Variants in NFIB observed in about 807,000 individuals in gnomAD.
NFIB encodes nuclear factor 1 B-type.
Under a neutral mutation model 61.5 loss-of-function variants are expected in NFIB, and 11 were observed. That is an observed-to-expected ratio of 0.18 (90% CI 0.11 to 0.30). The LOEUF is 0.30. Among genes scored for constraint, NFIB ranks in the 10% least tolerant of loss-of-function variants. The pLI is 1.00. For synonymous variants in NFIB, 260 were observed against 216.5 expected, an observed-to-expected ratio of 1.20 and a Z score of -1.76; for missense variants, 471 against 608.9, an observed-to-expected ratio of 0.77 and a Z score of 2.38.
At chr9:14,484,086 T>C in the NFIB span, among the ~76,000 whole-genome samples, 1 of 152,238 alleles carries the variant, frequency 6.6e-6, no homozygotes, top group Admixed American at 6.5e-5. Context: ...TTACCTACTT[T>C]ATTACCTAGT....
intron 3 of NFIB, among the ~76,000 whole-genome samples, chr9:14,161,365 T>A (rs2044181062): frequency 6.6e-6 from 1 of 152,084 alleles, no homozygotes. Context: ...ATTAAGTGTA[T>A]CTCTCAATAT....
At chr9:14,191,937 C>T (rs1330457709) in intron 2 of NFIB, among the ~76,000 whole-genome samples, 1 of 152,218 alleles carries the variant, frequency 6.6e-6, no homozygotes, top group African/African-American at 2.4e-5. Context: ...CAACCTCCAA[C>T]AAACACATAC....
intron 2 of NFIB, among the ~76,000 whole-genome samples, chr9:14,249,586 T>G (rs773798647): frequency 7.2e-5 from 11 of 152,104 alleles, no homozygotes; most frequent in Non-Finnish European, 1.2e-4. Flanking sequence ...TCAGTTTACG[T>G]CTATCATGAT....
chr9:14,192,549 C>G (rs1019196673), intron 2 of NFIB, among the ~76,000 whole-genome samples: 35 of 152,178 alleles, frequency 2.3e-4, no homozygotes, highest in African/African-American at 8.0e-4. Context: ...GTCCAACCAA[C>G]AGGAGGCAAT....
intron 2 of NFIB, among the ~76,000 whole-genome samples, chr9:14,250,030 G>A (rs907625004): frequency 1.3e-5 from 2 of 152,094 alleles, no homozygotes; most frequent in South Asian, 2.1e-4. Flanking sequence ...AAAACCCCTC[G>A]AGTCTCTTTC....
chr9:14,490,973 C>T, the NFIB span, among the ~76,000 whole-genome samples: 316 of 152,218 alleles, frequency 2.1e-3, 1 homozygote, highest in African/African-American at 7.4e-3. Flanking sequence ...GGAAACATCC[C>T]ATATGTTCAT....
the NFIB span, among the ~76,000 whole-genome samples, chr9:14,414,691 C>G: frequency 4.6e-5 from 7 of 151,760 alleles, no homozygotes; most frequent in Middle Eastern, 3.4e-3. Context: ...AGAATGTGCT[C>G]AGTAAATGAC....
chr9:14,136,074 C>A (rs2041010263), intron 6 of NFIB, among the ~76,000 whole-genome samples: 1 of 152,074 alleles, frequency 6.6e-6, no homozygotes, highest in South Asian at 2.1e-4. Context: ...TTAAAGCAAA[C>A]CTCTTTGAAG....
At chr9:14,406,769 T>C in the NFIB span, among the ~76,000 whole-genome samples, 1 of 152,214 alleles carries the variant, frequency 6.6e-6, no homozygotes, top group Admixed American at 6.5e-5. Context: ...ACTTGCTCTT[T>C]TCCCCTCATC....
At position 14,087,233 on chromosome 9, in the gene NFIB, G is replaced by A. The variant is rs2032995794; in HGVS notation, c.*1076C>T. ...AGGCTGCAGCTAAACCAACATAAGT[G>A]CTGTGTTTTCATTAATTTTATTTTT... On this transcript the variant is annotated 3_prime_UTR_variant, in exon 11 of 11. Coordinates refer to ENST00000380953, the MANE Select transcript of NFIB (RefSeq NM_001190737.2). The A allele has an allele frequency of 9.8e-6, 2 of 203,264 alleles. No individual in the cohort carries two copies. The highest frequency in any genetic ancestry group is 1.5e-4 in the East Asian group (2 of 13,228). The allele number at this position is 203,264 out of a possible 1,614,324, so 12.6% of individuals were successfully genotyped here. A position where few individuals can be genotyped will look rare whatever the true frequency, so the allele number is the denominator to read the frequency against.
At chr9:14,320,805 G>A (rs2060641347) in intron 1 of NFIB, among the ~76,000 whole-genome samples, 1 of 152,074 alleles carries the variant, frequency 6.6e-6, no homozygotes, top group South Asian at 2.1e-4. Context: ...TTCAAGTGTG[G>A]GATCAAAAGT....
chr9:14,419,354 C>T, the NFIB span, among the ~76,000 whole-genome samples: 7 of 150,830 alleles, frequency 4.6e-5, no homozygotes, highest in African/African-American at 1.7e-4. Flanking sequence ...TTGAAGTGAG[C>T]CTTGCAGATT....
chr9:14,439,628 C>G, the NFIB span, among the ~76,000 whole-genome samples: 1 of 152,126 alleles, frequency 6.6e-6, no homozygotes, highest in Non-Finnish European at 1.5e-5. Flanking sequence ...GGAGAGCTGG[C>G]ACATGCTGAG....
intron 2 of NFIB, among the ~76,000 whole-genome samples, chr9:14,180,032 T>C (rs1386644040): frequency 6.6e-6 from 1 of 152,222 alleles, no homozygotes; most frequent in Non-Finnish European, 1.5e-5. Flanking sequence ...CAAGGTTTTT[T>C]TGAAACAAAA....
the NFIB span, among the ~76,000 whole-genome samples, chr9:14,426,885 C>G: frequency 1.3e-5 from 2 of 152,120 alleles, no homozygotes; most frequent in African/African-American, 4.8e-5. Context: ...TCCCTTCAGA[C>G]CTCACTGCAC....
chr9:14,339,604 GT>G (rs1469112637), intron 1 of NFIB, among the ~76,000 whole-genome samples: 3 of 152,116 alleles, frequency 2.0e-5, no homozygotes, highest in African/African-American at 7.2e-5. Context: ...ATTAGCTATT[GT>G]TTATTCCCTC....
At chr9:14,244,779 A>G (rs1286287290) in intron 2 of NFIB, among the ~76,000 whole-genome samples, 1 of 152,176 alleles carries the variant, frequency 6.6e-6, no homozygotes, top group African/African-American at 2.4e-5. Context: ...GGAACACAAT[A>G]AGTACTAAAA....
intron 1 of NFIB, among the ~76,000 whole-genome samples, chr9:14,371,454 G>C: frequency 6.6e-6 from 1 of 152,192 alleles, no homozygotes; most frequent in East Asian, 1.9e-4. Context: ...GGGGCTATAG[G>C]ATCTCATTCT....
intron 6 of NFIB, among the ~76,000 whole-genome samples, chr9:14,142,470 C>A (rs2041846959): frequency 6.6e-6 from 1 of 152,134 alleles, no homozygotes; most frequent in Non-Finnish European, 1.5e-5. Flanking sequence ...AATGGACTAA[C>A]ACACTGAGCA....
Sources: gnomAD v4.1 joint callset for allele counts (sites outside exome capture counted in the v4.1 genomes callset) on GRCh38, gnomAD v4.1.1 for gene constraint, MANE v1.5 for transcripts, NCBI Gene and HGNC (gene_info 2026-07-23, HGNC 2026-07-21) for gene names.